TECRL: variants seen among roughly 807,000 people sequenced by gnomAD.
TECRL encodes the protein trans-2,3-enoyl-CoA reductase-like.
A neutral mutation model predicts 52.8 loss-of-function variants in TECRL; 63 were observed. The ratio of observed to expected loss-of-function variants is 1.19; its 90% CI spans 0.97 to 1.47. The LOEUF (loss-of-function observed/expected upper bound fraction) is 1.47. Among genes scored for constraint, TECRL ranks in the 40% most tolerant of loss-of-function variants. The pLI, the probability that TECRL is intolerant of heterozygous loss-of-function variation, is 0.00. For missense variants in TECRL, 482 were observed against 429.6 expected (o/e 1.12, Z -1.08); for synonymous variants, 164 against 141.9 (o/e 1.16, Z -1.10).
At chr4:64,405,377 T>A (rs1724638071) in intron 1 of TECRL, among the ~76,000 whole-genome samples, 1 of 152,128 alleles carries the variant, frequency 6.6e-6, no homozygotes, top group African/African-American at 2.4e-5. Context: ...ATTTTGAAGC[T>A]ATTGCCAAGA....
At chr4:64,330,387 C>T (rs1488477149) in intron 2 of TECRL, among the ~76,000 whole-genome samples, 1 of 152,002 alleles carries the variant, frequency 6.6e-6, no homozygotes, top group Non-Finnish European at 1.5e-5. Context: ...GGTCATTGCA[C>T]ATGTGGAAAT....
At chr4:64,405,427 C>A (rs1724641203) in intron 1 of TECRL, among the ~76,000 whole-genome samples, 1 of 152,050 alleles carries the variant, frequency 6.6e-6, no homozygotes, top group African/African-American at 2.4e-5. Flanking sequence ...AAAGACAAGT[C>A]ATGATTTCTC....
intron 2 of TECRL, among the ~76,000 whole-genome samples, chr4:64,356,413 T>C (rs897662667): frequency 1.3e-5 from 2 of 152,106 alleles, no homozygotes; most frequent in Non-Finnish European, 2.9e-5. Flanking sequence ...TAAAACCTGA[T>C]TGTACATTTG....
chr4:64,342,541 G>A lies in TECRL; in HGVS notation c.287-13985C>T, dbSNP rs534086998. ...TAATCCTTTCCCTATCTGAAGAGAA[G>A]GTGATTACTGCTTAACCACCAAAGT... On this transcript the variant is annotated intron_variant, in intron 2 of 11. Coordinates refer to ENST00000381210, the MANE Select transcript of TECRL (RefSeq NM_001010874.5). Among the ~76,000 whole-genome samples the A allele has an allele frequency of 4.6e-5, 7 of 151,924 alleles. No homozygotes were observed. In the East Asian group the frequency reaches 1.2e-3, roughly 25 times the overall value.
chr4:64,324,804 G>A lies in TECRL; in HGVS notation c.332-2012C>T, dbSNP rs540358493. Reference sequence around the variant, plus strand: ...TACATATATAATTACATATAATTTGGTATTGCTTTGAAAATGTGAATGTAG... The same window carrying A: ...TACATATATAATTACATATAATTTGATATTGCTTTGAAAATGTGAATGTAG... On this transcript the variant is annotated intron_variant, in intron 3 of 11. Transcript: ENST00000381210. Among the ~76,000 whole-genome samples the A allele has an allele frequency of 5.9e-5, 9 of 152,030 alleles. 1 individual carries two copies. In the South Asian group the frequency reaches 1.0e-3, roughly 18 times the overall value.
chr4:64,331,558 C>A (rs1014071824), intron 2 of TECRL, among the ~76,000 whole-genome samples: 5 of 151,960 alleles, frequency 3.3e-5, no homozygotes, highest in African/African-American at 1.2e-4. Flanking sequence ...GAGAACATCA[C>A]AAATATGGAA....
intron 2 of TECRL, among the ~76,000 whole-genome samples, chr4:64,358,264 T>C (rs1352178944): frequency 6.6e-6 from 1 of 151,840 alleles, no homozygotes; most frequent in Non-Finnish European, 1.5e-5. Flanking sequence ...TAAATGAGCA[T>C]AGCGAATATT....
At chr4:64,380,092 A>G (rs970157767) in intron 1 of TECRL, among the ~76,000 whole-genome samples, 1 of 152,076 alleles carries the variant, frequency 6.6e-6, no homozygotes, top group Admixed American at 6.6e-5. Context: ...ATAGCCATTC[A>G]TACCAGGGTA....
chr4:64,340,660 C>A (rs1719504189), intron 2 of TECRL, among the ~76,000 whole-genome samples: 1 of 152,190 alleles, frequency 6.6e-6, no homozygotes, highest in Non-Finnish European at 1.5e-5. Context: ...CATGAACAGC[C>A]TGGGCACCAT....
intron 5 of TECRL, among the ~76,000 whole-genome samples, chr4:64,313,876 G>A (rs1246190273): frequency 1.4e-5 from 2 of 147,658 alleles, no homozygotes; most frequent in African/African-American, 5.0e-5. Context: ...GCTCATGCCT[G>A]TAATCCCAGC....
At chr4:64,285,454 A>C (rs1723033189) in intron 9 of TECRL, among the ~76,000 whole-genome samples, 1 of 152,124 alleles carries the variant, frequency 6.6e-6, no homozygotes, top group South Asian at 2.1e-4. Context: ...GACATTTTGT[A>C]CAATCAATAT....
At chr4:64,307,197 A>G (rs1395223951) in intron 6 of TECRL, among the ~76,000 whole-genome samples, 1 of 152,080 alleles carries the variant, frequency 6.6e-6, no homozygotes, top group African/African-American at 2.4e-5. Context: ...GATGCTTTTT[A>G]AAGATTTAAG....
chr4:64,299,874 A>T, intron 8 of TECRL, 100 bp downstream of exon 8: 1 of 482,968 alleles, frequency 2.1e-6, no homozygotes, highest in Non-Finnish European at 3.6e-6. Flanking sequence ...ATATAAATAT[A>T]TATCATATTT....
At chr4:64,317,240 C>T (rs1560494463) in intron 4 of TECRL, among the ~76,000 whole-genome samples, 1 of 151,868 alleles carries the variant, frequency 6.6e-6, no homozygotes, top group Non-Finnish European at 1.5e-5. Flanking sequence ...ATCATGGCCA[C>T]TGCACTCCAG....
intron 6 of TECRL, among the ~76,000 whole-genome samples, chr4:64,308,835 A>G (rs1401898181): frequency 1.3e-5 from 2 of 152,212 alleles, no homozygotes; most frequent in African/African-American, 4.8e-5. Context: ...ATATATGTCA[A>G]GTTAACAGAA....
chr4:64,289,635 T>A, intron 9 of TECRL, 75 bp downstream of exon 9: 2 of 1,166,180 alleles, frequency 1.7e-6, no homozygotes, highest in Non-Finnish European at 2.3e-6. Flanking sequence ...TTTTAAAGAT[T>A]TTTTGAAGTA....
chr4:64,400,491 A>C (rs753951585), intron 1 of TECRL, among the ~76,000 whole-genome samples: 1 of 152,136 alleles, frequency 6.6e-6, no homozygotes, highest in Non-Finnish European at 1.5e-5. Context: ...CAAGGGCATG[A>C]GATTTTGGAG....
At chr4:64,286,133 C>T (rs1427530830) in intron 9 of TECRL, among the ~76,000 whole-genome samples, 1 of 151,682 alleles carries the variant, frequency 6.6e-6, no homozygotes, top group Non-Finnish European at 1.5e-5. Context: ...AACTAACCCC[C>T]CACAAGGAAA....
intron 4 of TECRL, among the ~76,000 whole-genome samples, chr4:64,317,712 A>G (rs570091952): frequency 1.3e-5 from 2 of 152,332 alleles, no homozygotes; most frequent in Non-Finnish European, 2.9e-5. Flanking sequence ...TTTCTATTCT[A>G]TATAATTCAA....
Sources: gnomAD v4.1 joint callset for allele counts (sites outside exome capture counted in the v4.1 genomes callset) on GRCh38, gnomAD v4.1.1 for gene constraint, MANE v1.5 for transcripts, NCBI Gene and HGNC (gene_info 2026-07-23, HGNC 2026-07-21) for gene names.